Variants in ARHGEF37 observed in about 807,000 individuals in gnomAD.
The protein encoded by ARHGEF37 is Rho guanine nucleotide exchange factor (GEF) 37.
In ARHGEF37, 55 loss-of-function variants were observed where a neutral mutation model predicts 71.1. That is an observed-to-expected ratio of 0.77 (90% CI 0.62 to 0.97). The LOEUF (loss-of-function observed/expected upper bound fraction) is 0.97, where lower values mean the gene tolerates loss of function less well. ARHGEF37 is among the 50% of genes least tolerant of loss of function. The probability of loss-of-function intolerance (pLI) is 0.00; values close to 1 mark genes in which losing one functional copy is unlikely to be tolerated. For synonymous variants in ARHGEF37, 327 were observed against 350.6 expected, an observed-to-expected ratio of 0.93 and a Z score of 0.75; for missense variants, 765 against 836.8, an observed-to-expected ratio of 0.91 and a Z score of 1.06.
At chr5:149,601,343 A>G (rs960965405) in intron 3 of ARHGEF37, 112 bp downstream of exon 3, 3 of 1,342,994 alleles carry the variant, frequency 2.2e-6, no homozygotes, top group African/African-American at 2.9e-5. Context: ...GCTCAACGGC[A>G]GTCTGTTTTG....
At chr5:149,563,605 G>A (rs968152508) in intron 1 of ARHGEF37, among the ~76,000 whole-genome samples, 1 of 152,200 alleles carries the variant, frequency 6.6e-6, no homozygotes, top group Admixed American at 6.5e-5. Flanking sequence ...CTCTGCTGCT[G>A]TTATTATTAG....
At chr5:149,552,767 G>T (rs1762698589) in intron 1 of ARHGEF37, among the ~76,000 whole-genome samples, 1 of 152,046 alleles carries the variant, frequency 6.6e-6, no homozygotes, top group South Asian at 2.1e-4. Context: ...GGAGGCGGAG[G>T]TTGCGGTGAG....
chr5:149,594,030 A>C (rs1763480199), intron 1 of ARHGEF37, among the ~76,000 whole-genome samples: 1 of 152,232 alleles, frequency 6.6e-6, no homozygotes, highest in African/African-American at 2.4e-5. Context: ...GTTGGGGAGT[A>C]TATGTGATAT....
At chr5:149,577,900 C>T (rs1763044024), upstream of ARHGEF37, among the ~76,000 whole-genome samples, 1 of 152,224 alleles carries the variant, frequency 6.6e-6, no homozygotes, top group African/African-American at 2.4e-5. Context: ...TGAAGAGAAG[C>T]AGGCAATGTG....
At chr5:149,623,094 C>A (rs781046224) in intron 9 of ARHGEF37, among the ~76,000 whole-genome samples, 4 of 152,188 alleles carry the variant, frequency 2.6e-5, no homozygotes, top group African/African-American at 9.7e-5. Context: ...TTAGAATGCC[C>A]CTCTCCATTG....
intron 4 of ARHGEF37, among the ~76,000 whole-genome samples, chr5:149,613,061 C>T (rs1279831075): frequency 6.6e-6 from 1 of 152,182 alleles, no homozygotes; most frequent in African/African-American, 2.4e-5. Context: ...CAGAGGTGGG[C>T]CCGTCCAGCA....
rs935440135 is a variant in ARHGEF37, at chr5:149,557,223, T to C, written c.-12+5100T>C. On this transcript the variant is annotated intron_variant, in intron 1 of 2. Coordinates refer to the ARHGEF37 transcript ENST00000505810. ...AAGGAACAGAAACCAAGATGGTGGATACCCATGCCATTACGCCCGAGACCC... is the reference window on the plus strand; with the variant it reads ...AAGGAACAGAAACCAAGATGGTGGACACCCATGCCATTACGCCCGAGACCC... 7.9e-5 allele frequency among the ~76,000 whole-genome samples: 12 copies of C among 152,304 alleles called. No homozygotes were observed. In the South Asian group the frequency reaches 2.3e-3, roughly 29 times the overall value.
intron 1 of ARHGEF37, among the ~76,000 whole-genome samples, chr5:149,596,039 C>CT (rs1763536121): frequency 6.6e-6 from 1 of 151,738 alleles, no homozygotes; most frequent in African/African-American, 2.4e-5. Context: ...CTATTCCTAC[C>CT]TGGGCACTAA....
intron 3 of ARHGEF37, among the ~76,000 whole-genome samples, chr5:149,604,964 C>T (rs1054454748): frequency 3.3e-5 from 5 of 151,776 alleles, no homozygotes; most frequent in African/African-American, 9.7e-5. Flanking sequence ...TGGTGGCTCA[C>T]GCCTGTAATC....
chr5:149,590,846 G>A (rs1194836327), intron 1 of ARHGEF37, among the ~76,000 whole-genome samples: 2 of 151,802 alleles, frequency 1.3e-5, no homozygotes, highest in Non-Finnish European at 2.9e-5. Context: ...TGATCCTCCC[G>A]CCTCGTCCTC....
chr5:149,578,734 G>T (rs1763054117), upstream of ARHGEF37, among the ~76,000 whole-genome samples: 1 of 152,176 alleles, frequency 6.6e-6, no homozygotes, highest in Non-Finnish European at 1.5e-5. Flanking sequence ...GTGTCACCGA[G>T]GGCAAGGTGA....
upstream of ARHGEF37, among the ~76,000 whole-genome samples, chr5:149,576,905 G>A (rs960147121): frequency 1.3e-5 from 2 of 152,036 alleles, no homozygotes; most frequent in Non-Finnish European, 2.9e-5. Context: ...GCAGTGAGCC[G>A]AGATCGTGCC....
chr5:149,622,149 A>G (rs1580933094), intron 9 of ARHGEF37, 87 bp downstream of exon 9: 1 of 1,343,182 alleles, frequency 7.4e-7, no homozygotes, highest in Non-Finnish European at 1.0e-6. Flanking sequence ...AGGGGCTAGG[A>G]TGGAGGGAGG....
intron 8 of ARHGEF37, among the ~76,000 whole-genome samples, chr5:149,620,993 T>C (rs1454886346): frequency 6.6e-6 from 1 of 152,174 alleles, no homozygotes; most frequent in Admixed American, 6.5e-5. Flanking sequence ...CCCTTTATAT[T>C]CCTTACATCA....
intron 4 of ARHGEF37, among the ~76,000 whole-genome samples, chr5:149,614,216 C>T (rs1025516144): frequency 5.3e-5 from 8 of 151,876 alleles, no homozygotes; most frequent in African/African-American, 1.9e-4. Flanking sequence ...TTTATCTTTG[C>T]TCACTTGGGT....
rs7732714 is a variant in ARHGEF37, at chr5:149,627,163, A to T, written c.1552A>T (p.Ser518Cys). 2.5e-6 allele frequency: 4 copies of T among 1,614,086 alleles called. No individual in the cohort carries two copies. Among genetic ancestry groups the T allele is most frequent in the African/African-American group, 1.3e-5 (1 of 75,014 alleles). ...GCTGTACCAGGTGACAAGCAACATC[A>T]GTGGGACTGGGACTCTGGACCTGAC... ...GKLYQVTSNISGTGTLDLTLP... is the reference protein window; with the variant it reads ...GKLYQVTSNICGTGTLDLTLP... Residue 518 changes from serine (S) to cysteine (C), a missense_variant, in exon 11 of 13, where the codon AGT becomes TGT. Ser to Cys is a moderately radical substitution (Grantham distance 112). Coordinates refer to ENST00000333677, the MANE Select transcript of ARHGEF37 (RefSeq NM_001001669.3).
intron 1 of ARHGEF37, among the ~76,000 whole-genome samples, chr5:149,568,935 T>A (rs1245034986): frequency 6.6e-6 from 1 of 152,008 alleles, no homozygotes; most frequent in Non-Finnish European, 1.5e-5. Context: ...TTTTTTATCA[T>A]AGATTTGTTT....
chr5:149,569,549 AC>A (rs1377772798), intron 1 of ARHGEF37, among the ~76,000 whole-genome samples: 1 of 152,100 alleles, frequency 6.6e-6, no homozygotes, highest in Non-Finnish European at 1.5e-5. Context: ...TGAACTCCTG[AC>A]CTCAGGTGAT....
At chr5:149,556,792 G>A (rs1278011748) in intron 1 of ARHGEF37, among the ~76,000 whole-genome samples, 2 of 152,182 alleles carry the variant, frequency 1.3e-5, no homozygotes, top group Non-Finnish European at 2.9e-5. Context: ...CAAAATGCTC[G>A]GATTACAGGT....
Sources: allele counts gnomAD v4.1 joint callset (sites outside exome capture counted in the v4.1 genomes callset), GRCh38; gene constraint gnomAD v4.1.1; transcripts MANE v1.5; gene names NCBI Gene and HGNC (gene_info 2026-07-23, HGNC 2026-07-21).